COL3A1: variants seen among roughly 807,000 people sequenced by gnomAD.
COL3A1 encodes collagen type III alpha 1 chain.
COL3A1 carries 46 observed loss-of-function variants against 200.9 expected under a neutral mutation model. The ratio of observed to expected loss-of-function variants is 0.23; its 90% CI spans 0.18 to 0.29. COL3A1 has a LOEUF of 0.29. Among genes scored for constraint, COL3A1 ranks in the 10% least tolerant of loss-of-function variants. COL3A1 has a pLI of 1.00. For synonymous variants in COL3A1, 650 were observed against 628.0 expected, an observed-to-expected ratio of 1.03 and a Z score of -0.52; for missense variants, 1,367 against 1,917.6, an observed-to-expected ratio of 0.71 and a Z score of 5.36.
intron 32 of COL3A1, among the ~76,000 whole-genome samples, chr2:189,000,627 G>A (rs1361069833): frequency 6.6e-6 from 1 of 152,114 alleles, no homozygotes; most frequent in Non-Finnish European, 1.5e-5. Flanking sequence ...ATGAGTGTGT[G>A]TATCACTGGT....
chr2:188,977,006 G>T (rs1687834072), intron 1 of COL3A1, among the ~76,000 whole-genome samples: 1 of 152,096 alleles, frequency 6.6e-6, no homozygotes, highest in Admixed American at 6.6e-5. Flanking sequence ...AAGGAAATTA[G>T]TATGTTACGG....
At chr2:188,998,014 A>T (rs1249306675) in intron 27 of COL3A1, among the ~76,000 whole-genome samples, 1 of 152,224 alleles carries the variant, frequency 6.6e-6, no homozygotes, top group Non-Finnish European at 1.5e-5. Context: ...CCATATAGCC[A>T]AGTCTATCCT....
Position 189,004,270 on chromosome 2 carries a change from C to G in COL3A1, c.2837C>G (p.Pro946Arg). The G allele has an allele frequency of 6.2e-7, 1 of 1,605,034 alleles. No homozygotes were observed. The highest frequency in any genetic ancestry group is 8.5e-7 in the Non-Finnish European group (1 of 1,176,052). ...GAQGPPGAPG[P>R]LGIAGITGAR... ...TATCTGTATTAGGGAGCTCCAGGCC[C>G]ACTTGGGATTGCTGGGATCACTGGA... The change falls in exon 40 of 51, where the codon CCA (proline) becomes CGA (arginine). Residue 946 changes from proline (P) to arginine (R), a missense_variant. Transcript: ENST00000304636.
Position 189,010,734 on chromosome 2 carries a change from G to A in COL3A1, c.4098G>A (p.Gln1366=), listed in dbSNP as rs1688705396. 1 of 1,614,118 alleles carries A rather than the reference G, an allele frequency of 6.2e-7. No homozygotes were observed. The highest frequency in any genetic ancestry group is 1.7e-5 in the Admixed American group (1 of 60,022). ...FLRLLSSRAS[Q]NITYHCKNSI... ...GACTTCTCTCCAGCCGAGCTTCCCA[G>A]AACATCACATATCACTGCAAAAATA... Residue 1366 remains glutamine, a synonymous_variant, in exon 50 of 51, where the codon CAG becomes CAA. Transcript: ENST00000304636.
chr2:188,994,509 T>A lies in COL3A1; in HGVS notation c.1294-32T>A, dbSNP rs1324564426. 6.2e-7 allele frequency: 1 copy of A among 1,612,350 alleles called. No homozygotes were observed. Among genetic ancestry groups the A allele is most frequent in the South Asian group, 1.1e-5 (1 of 91,044 alleles). On this transcript the variant is annotated intron_variant, in intron 18 of 50. Coordinates refer to ENST00000304636, the MANE Select transcript of COL3A1 (RefSeq NM_000090.4). This position sits in a 1 kb window ranked among gnomAD's most constrained non-coding sequence, Gnocchi z 4.5. ...GATGATTTGTTAGTCGAATCCTCCC[T>A]GTGTTTCAACCAAGACTTTGTTATA...
chr2:189,003,515 C>T (rs1344489294), intron 37 of COL3A1, 51 bp downstream of exon 37: 1 of 1,558,220 alleles, frequency 6.4e-7, no homozygotes, highest in Non-Finnish European at 8.8e-7. Context: ...TTGATATCAA[C>T]CTGTATAAAA....
chr2:188,997,055 GAGA>G (rs1688342561), intron 24 of COL3A1, 107 bp from the exon 25 acceptor site: 4 of 723,036 alleles, frequency 5.5e-6, no homozygotes, highest in Non-Finnish European at 7.4e-6. Context: ...ATATATATAT[GAGA>G]CATATATATA....
At chr2:188,981,447 T>C (rs892306741) in intron 1 of COL3A1, among the ~76,000 whole-genome samples, 5 of 151,444 alleles carry the variant, frequency 3.3e-5, no homozygotes, top group Non-Finnish European at 4.4e-5. Flanking sequence ...TAATTATAAA[T>C]TGGAACAGAG....
At chr2:188,996,299 T>TACACACAC (rs1688313693) in intron 23 of COL3A1, 99 bp from the exon 24 acceptor site, 1 of 771,452 alleles carries the variant, frequency 1.3e-6, no homozygotes, top group Non-Finnish European at 2.0e-6. Flanking sequence ...TGTATATCTA[T>TACACACAC]ATATATACAC....
chr2:188,993,038 T>C (rs769963373), intron 15 of COL3A1, 98 bp downstream of exon 15: 1 of 1,101,288 alleles, frequency 9.1e-7, no homozygotes, highest in Admixed American at 1.7e-5. Flanking sequence ...ATCAGTCAAA[T>C]GGATAGCTTT....
chr2:188,976,302 A>G (rs1047118097), intron 1 of COL3A1, among the ~76,000 whole-genome samples: 2 of 152,164 alleles, frequency 1.3e-5, no homozygotes, highest in South Asian at 2.1e-4. Context: ...GGTGTTTGCC[A>G]CTTACAGTAC....
Position 188,994,466 on chromosome 2 carries a change from G to A in COL3A1, c.1294-75G>A. On this transcript the variant is annotated intron_variant, in intron 18 of 50. Transcript: ENST00000304636. The surrounding 1 kb of genome is among the most constrained non-coding windows in gnomAD (Gnocchi z 4.5). ...CACTCTTGTCTTATAACTTATAACT[G>A]AATTATGTGTTACTGGTGATGATTT... 6.4e-7 allele frequency: 1 copy of A among 1,573,996 alleles called. No individual in the cohort carries two copies. The highest frequency in any genetic ancestry group is 1.7e-5 in the Admixed American group (1 of 59,698).
Position 189,010,034 on chromosome 2 carries a change from A to G in COL3A1, c.3824-144A>G, listed in dbSNP as rs1244836959. 6 of 758,124 alleles carry G rather than the reference A, an allele frequency of 7.9e-6. No homozygotes were observed. The East Asian group carries it at 1.3e-4, about 17-fold the overall frequency. 47.0% of individuals were successfully genotyped at this position (758,124 alleles called of 1,614,324 possible). A position where few individuals can be genotyped will look rare whatever the true frequency, so the allele number is the denominator to read the frequency against. On this transcript the variant is annotated intron_variant, in intron 48 of 50. Transcript: ENST00000304636. Reference sequence around the variant, plus strand: ...TAACTCTTTTACCTCAGCAATTTCAATCAAAAAGCTTCTCTATCATTCTAT... The same window carrying G: ...TAACTCTTTTACCTCAGCAATTTCAGTCAAAAAGCTTCTCTATCATTCTAT...
chr2:188,995,638 A>G, intron 21 of COL3A1, 54 bp from the exon 22 acceptor site: 1 of 1,222,678 alleles, frequency 8.2e-7, no homozygotes, highest in Non-Finnish European at 1.2e-6. Context: ...TATTGTTGCT[A>G]TCTAGGTTAG....
intron 35 of COL3A1, among the ~76,000 whole-genome samples, 167 bp from the exon 36 acceptor site, chr2:189,002,788 A>C (rs1487064691): frequency 4.6e-5 from 7 of 152,192 alleles, no homozygotes; most frequent in Non-Finnish European, 1.0e-4. Flanking sequence ...TGATCATGAA[A>C]ATATTTTGAT....
chr2:189,003,861 T>G, intron 38 of COL3A1, 74 bp downstream of exon 38: 1 of 1,583,608 alleles, frequency 6.3e-7, no homozygotes, highest in Non-Finnish European at 8.7e-7. Context: ...GATGAGAAAC[T>G]TACACATTGC....
intron 50 of COL3A1, among the ~76,000 whole-genome samples, 182 bp from the exon 51 acceptor site, chr2:189,011,446 G>C (rs1688722061): frequency 6.6e-6 from 1 of 152,184 alleles, no homozygotes; most frequent in African/African-American, 2.4e-5. Context: ...ATTTGTTTAA[G>C]AATATTGTTT....
chr2:189,008,593 T>A, intron 47 of COL3A1: 2 of 439,038 alleles, frequency 4.6e-6, no homozygotes, highest in Non-Finnish European at 8.2e-6. Flanking sequence ...CCCAACAAAT[T>A]ACACTCCCCT....
In COL3A1 at chr2:188,985,739, C is replaced by T. The variant is rs762388691; in HGVS notation, c.408C>T (p.Gly136=). The T allele has an allele frequency of 2.5e-6, 4 of 1,611,276 alleles. No individual in the cohort carries two copies. The highest frequency in any genetic ancestry group is 1.1e-5 in the South Asian group (1 of 90,954). ...AACCAGGGTCCCCTGGTTCTCCTGG[C>T]CCCCCTGGAATCTGTGAATCATGCC... ...PGQPGSPGSP[G]PPGICESCPT... Residue 136 remains glycine (G), a synonymous_variant, in exon 4 of 51, where the codon GGC becomes GGT. Coordinates refer to ENST00000304636, the MANE Select transcript of COL3A1 (RefSeq NM_000090.4).
Sources: gnomAD v4.1 joint callset for allele counts (sites outside exome capture counted in the v4.1 genomes callset) on GRCh38, gnomAD v4.1.1 for gene constraint, Gnocchi (gnomAD v3.1) non-coding constraint, MANE v1.5 for transcripts, NCBI Gene and HGNC (gene_info 2026-07-23, HGNC 2026-07-21) for gene names.